The following BORCS5 variants were observed in gnomAD, a reference collection of about 807,000 sequenced individuals.
BORCS5 encodes BLOC-1 related complex subunit 5, also known as BLOC-1-related complex subunit 5.
A neutral mutation model predicts 22.1 loss-of-function variants in BORCS5; 17 were observed. The ratio of observed to expected loss-of-function variants is 0.77; its 90% CI spans 0.53 to 1.15. BORCS5 has a LOEUF of 1.15. Ranked by LOEUF, BORCS5 falls within the 50% of genes most tolerant of loss-of-function variation. BORCS5 has a pLI of 0.00. For synonymous variants in BORCS5, 117 were observed against 99.8 expected (o/e 1.17, Z -1.03); for missense variants, 247 against 253.2 (o/e 0.98, Z 0.17).
chr12:12,406,846 T>C (rs183676768), intron 2 of BORCS5, among the ~76,000 whole-genome samples: 3 of 152,272 alleles, frequency 2.0e-5, no homozygotes, highest in Admixed American at 2.0e-4. Context: ...AAGCAAGCTC[T>C]TTTGGGAAGG....
chr12:12,436,627 T>G (rs1942560729), intron 3 of BORCS5, among the ~76,000 whole-genome samples: 1 of 110,564 alleles, frequency 9.0e-6, no homozygotes. Flanking sequence ...AGTGGCCCTT[T>G]AACTCTGGTG....
chr12:12,426,513 T>C (rs775217815), intron 2 of BORCS5, among the ~76,000 whole-genome samples: 2 of 152,332 alleles, frequency 1.3e-5, no homozygotes, highest in South Asian at 2.1e-4. Context: ...CATCCTCTGT[T>C]CTTGTTTCTT....
At chr12:12,465,332 A>T (rs1250610022) in intron 3 of BORCS5, among the ~76,000 whole-genome samples, 1 of 152,164 alleles carries the variant, frequency 6.6e-6, no homozygotes, top group Non-Finnish European at 1.5e-5. Context: ...AGAGCCAGGG[A>T]CAGTCCCCTC....
At chr12:12,446,300 G>C (rs1277826822) in intron 3 of BORCS5, among the ~76,000 whole-genome samples, 2 of 152,060 alleles carry the variant, frequency 1.3e-5, no homozygotes, top group Non-Finnish European at 2.9e-5. Flanking sequence ...CAGTAGGGTA[G>C]AAATTTTACA....
At position 12,438,379 on chromosome 12, in the gene BORCS5, A is replaced by AAAT. The variant is rs1491307081; in HGVS notation, c.360+2595_360+2596insATA. ...TCATCTCAAAAAAAAAAAAAAAAAAAACGAAAAACAACAACAAAAACCTCT... is the reference window on the plus strand; with the variant it reads ...TCATCTCAAAAAAAAAAAAAAAAAAAAATACGAAAAACAACAACAAAAACCTCT... On this transcript the variant is annotated intron_variant, in intron 3 of 3. Coordinates refer to ENST00000314565, the MANE Select transcript of BORCS5 (RefSeq NM_058169.6). 6.8e-4 allele frequency among the ~76,000 whole-genome samples: 83 copies of AAAT among 121,532 alleles called. 4 individuals are homozygous for AAAT. The highest frequency in any genetic ancestry group is 3.9e-3 in the Middle Eastern group (1 of 258). The allele number at this position is 121,532 out of a possible 152,430, so 79.7% of individuals were successfully genotyped here. A position where few individuals can be genotyped will look rare whatever the true frequency, so the allele number is the denominator to read the frequency against.
intron 3 of BORCS5, among the ~76,000 whole-genome samples, chr12:12,444,592 A>C (rs878919464): frequency 6.6e-6 from 1 of 152,198 alleles, no homozygotes; most frequent in Non-Finnish European, 1.5e-5. Flanking sequence ...GGGTACACTA[A>C]ATTTTGAACA....
chr12:12,461,966 A>C (rs1342750214), intron 3 of BORCS5, among the ~76,000 whole-genome samples: 1 of 152,222 alleles, frequency 6.6e-6, no homozygotes, highest in Non-Finnish European at 1.5e-5. Context: ...TTTGCAATTT[A>C]TATGTTTCTG....
At chr12:12,458,907 G>A (rs1943049827) in intron 3 of BORCS5, among the ~76,000 whole-genome samples, 1 of 151,384 alleles carries the variant, frequency 6.6e-6, no homozygotes. Flanking sequence ...GGGAGGTGGA[G>A]GTTGCAGTGA....
intron 2 of BORCS5, among the ~76,000 whole-genome samples, chr12:12,429,285 G>A (rs532076444): frequency 3.5e-4 from 54 of 152,268 alleles, no homozygotes; most frequent in African/African-American, 1.3e-3. Flanking sequence ...CTATCAATAC[G>A]AGAGGGAGAT....
chr12:12,406,617 A>G (rs1941600613), intron 2 of BORCS5, among the ~76,000 whole-genome samples: 1 of 142,424 alleles, frequency 7.0e-6, no homozygotes, highest in South Asian at 2.1e-4. Flanking sequence ...TCTTGCTGAA[A>G]ATCTCAAAAA....
chr12:12,446,824 C>G (rs1942799887), intron 3 of BORCS5, among the ~76,000 whole-genome samples: 1 of 152,204 alleles, frequency 6.6e-6, no homozygotes, highest in African/African-American at 2.4e-5. Context: ...GACAGCCAAC[C>G]TGCAGCCCAG....
chr12:12,372,858 G>C (rs1863560359), intron 2 of BORCS5, among the ~76,000 whole-genome samples: 1 of 152,234 alleles, frequency 6.6e-6, no homozygotes, highest in South Asian at 2.1e-4. Context: ...AGGGTACCCT[G>C]TGCAGATCTC....
At chr12:12,451,927 A>AT (rs1257782328) in intron 3 of BORCS5, among the ~76,000 whole-genome samples, 17 of 106,912 alleles carry the variant, frequency 1.6e-4, no homozygotes, top group Admixed American at 4.9e-4. Context: ...AAAAAAAAAA[A>AT]TTAAAAAAAA....
intron 3 of BORCS5, among the ~76,000 whole-genome samples, chr12:12,456,292 A>G (rs1199568942): frequency 6.6e-6 from 1 of 152,192 alleles, no homozygotes; most frequent in Non-Finnish European, 1.5e-5. Flanking sequence ...TTAGCCAGGC[A>G]TGGTGGCATG....
chr12:12,383,082 C>T (rs921277388), intron 2 of BORCS5, among the ~76,000 whole-genome samples: 5 of 151,174 alleles, frequency 3.3e-5, no homozygotes, highest in African/African-American at 4.9e-5. Context: ...TGACTGCCTC[C>T]TTTTATATTA....
At chr12:12,382,720 A>T (rs1863801127) in intron 2 of BORCS5, among the ~76,000 whole-genome samples, 1 of 150,586 alleles carries the variant, frequency 6.6e-6, no homozygotes, top group South Asian at 2.1e-4. Flanking sequence ...TTTAGTAGAG[A>T]TAGGGTTTTG....
chr12:12,457,508 AAAT>A (rs1400497466), intron 3 of BORCS5, among the ~76,000 whole-genome samples: 2 of 152,220 alleles, frequency 1.3e-5, no homozygotes, highest in Admixed American at 6.5e-5. Flanking sequence ...TCTCTACTAA[AAAT>A]ACAAAAAATT....
At position 12,435,777 on chromosome 12, in the gene BORCS5, A is replaced by G. The variant is rs1281408910; in HGVS notation, c.352A>G (p.Ile118Val). The change falls in exon 3 of 4, where the codon ATC (isoleucine) becomes GTC (valine). Residue 118 changes from isoleucine (I) to valine (V), a missense_variant. Ile to Val is a conservative substitution (Grantham distance 29). Coordinates refer to ENST00000314565, the MANE Select transcript of BORCS5 (RefSeq NM_058169.6). ...TGACCAGAATGCTTTGGTTAAACGA[A>G]TCAAAGAGGTAATGTGCTGCGGGAA... ...AFDQNALVKR[I>V]KEMDLSVETL... The G allele has an allele frequency of 6.2e-7, 1 of 1,611,508 alleles. No individual in the cohort carries two copies. The highest frequency in any genetic ancestry group is 2.2e-5 in the East Asian group (1 of 44,802).
chr12:12,358,093 C>T (rs1863187928), intron 1 of BORCS5, among the ~76,000 whole-genome samples: 1 of 152,138 alleles, frequency 6.6e-6, no homozygotes, highest in Admixed American at 6.6e-5. Flanking sequence ...CTTCTCTAAG[C>T]GTTTGAGACA....
Sources: gnomAD v4.1 joint callset for allele counts (sites outside exome capture counted in the v4.1 genomes callset) on GRCh38, gnomAD v4.1.1 for gene constraint, MANE v1.5 for transcripts, NCBI Gene and HGNC (gene_info 2026-07-23, HGNC 2026-07-21) for gene names.